PRKCZ: variants seen among roughly 807,000 people sequenced by gnomAD.
PRKCZ encodes the protein protein kinase C zeta type.
Under a neutral mutation model 79.5 loss-of-function variants are expected in PRKCZ, and 33 were observed. The observed-to-expected ratio is 0.41, with a 90% confidence interval of 0.31 to 0.55. The LOEUF is 0.55. PRKCZ is among the 20% of genes least tolerant of loss of function. PRKCZ has a pLI of 0.19. For missense variants in PRKCZ, 578 were observed against 813.5 expected (o/e 0.71, Z 3.52); for synonymous variants, 342 against 320.9 (o/e 1.07, Z -0.70).
rs747555068 is a variant in PRKCZ at position 2,150,987 on chromosome 1, C to T, written c.876+9C>T. On this transcript the variant is annotated intron_variant, in intron 9 of 17. Transcript: ENST00000378567. ...TGGTGCATGATGACGAGGTAGGTGCCGCTTCTCATGGGGCCCGGGGGCCCG... is the reference window on the plus strand; with the variant it reads ...TGGTGCATGATGACGAGGTAGGTGCTGCTTCTCATGGGGCCCGGGGGCCCG... 21 of 1,612,568 alleles carry T rather than the reference C, an allele frequency of 1.3e-5. No homozygotes were observed. The highest frequency in any genetic ancestry group is 6.7e-5 in the East Asian group (3 of 44,878).
At chr1:2,154,087 C>T (rs373090045) in intron 9 of PRKCZ, among the ~76,000 whole-genome samples, 42 of 152,144 alleles carry the variant, frequency 2.8e-4, no homozygotes, top group Non-Finnish European at 3.2e-4. Context: ...GACGTCCCTG[C>T]GGGGCCACAG....
At chr1:2,069,860 G>A (rs948086865) in intron 4 of PRKCZ, among the ~76,000 whole-genome samples, 1 of 152,200 alleles carries the variant, frequency 6.6e-6, no homozygotes, top group South Asian at 2.1e-4. Flanking sequence ...GCTCCTAAGT[G>A]GGTAGCCTCA....
intron 1 of PRKCZ, among the ~76,000 whole-genome samples, chr1:2,052,156 G>T (rs1005980264): frequency 6.6e-6 from 1 of 152,150 alleles, no homozygotes; most frequent in East Asian, 1.9e-4. Context: ...GGAGTCCTGC[G>T]AGAGGGAGGT....
At chr1:2,086,109 T>A (rs1212664853) in intron 4 of PRKCZ, among the ~76,000 whole-genome samples, 1 of 151,032 alleles carries the variant, frequency 6.6e-6, no homozygotes, top group Non-Finnish European at 1.5e-5. Context: ...TCGCCCAGGC[T>A]GGAATGCAGT....
At chr1:2,164,499 G>T (rs1045346163) in intron 10 of PRKCZ, among the ~76,000 whole-genome samples, 1 of 152,190 alleles carries the variant, frequency 6.6e-6, no homozygotes, top group African/African-American at 2.4e-5. Context: ...AGTTGCATAG[G>T]GTGGGTGTCT....
intron 4 of PRKCZ, among the ~76,000 whole-genome samples, chr1:2,064,967 C>T (rs974857355): frequency 1.3e-5 from 2 of 152,224 alleles, no homozygotes; most frequent in African/African-American, 2.4e-5. Context: ...AGTATGAAGA[C>T]TTCCAATCCA....
intron 1 of PRKCZ, among the ~76,000 whole-genome samples, chr1:2,054,660 T>C (rs1350419621): frequency 1.3e-5 from 2 of 151,996 alleles, no homozygotes; most frequent in African/African-American, 2.4e-5. Context: ...CCTTTCATTA[T>C]GGAATTATTT....
Position 2,185,109 on chromosome 1 carries a change from G to GC in PRKCZ, c.*102dup. 3.4e-6 allele frequency: 4 copies of GC among 1,183,100 alleles called. No individual in the cohort carries two copies. Among genetic ancestry groups the GC allele is most frequent in the Non-Finnish European group, 4.8e-6 (4 of 825,034 alleles). 73.3% of individuals were successfully genotyped at this position (1,183,100 alleles called of 1,614,324 possible). A position where few individuals can be genotyped will look rare whatever the true frequency, so the allele number is the denominator to read the frequency against. ...CAGGCTGGGCACGGCTCCGAGGGCG[G>GC]CCAGGGACAGACGCTTGCGCCGAGA... On this transcript the variant is annotated 3_prime_UTR_variant, in exon 18 of 18. Coordinates refer to ENST00000378567, the MANE Select transcript of PRKCZ (RefSeq NM_002744.6).
chr1:2,126,700 G>A, intron 4 of PRKCZ, among the ~76,000 whole-genome samples: 1 of 152,212 alleles, frequency 6.6e-6, no homozygotes, highest in East Asian at 1.9e-4. Flanking sequence ...GCATTGCGCA[G>A]CTCCACCACG....
At chr1:2,060,272 G>A (rs1023630797) in intron 4 of PRKCZ, among the ~76,000 whole-genome samples, 1 of 152,198 alleles carries the variant, frequency 6.6e-6, no homozygotes, top group African/African-American at 2.4e-5. Flanking sequence ...AGGGCACGTG[G>A]CTCAGTGCCC....
intron 4 of PRKCZ, among the ~76,000 whole-genome samples, chr1:2,099,071 T>C (rs529817976): frequency 6.6e-6 from 1 of 151,606 alleles, no homozygotes; most frequent in Non-Finnish European, 1.5e-5. Context: ...TGACTTCCGT[T>C]GTTGTCTGTG....
chr1:2,064,683 A>T (rs1018518500), intron 4 of PRKCZ, among the ~76,000 whole-genome samples: 3 of 152,156 alleles, frequency 2.0e-5, no homozygotes, highest in African/African-American at 7.2e-5. Flanking sequence ...GGGAGGGTTC[A>T]TTTGTGGAGT....
chr1:2,081,010 C>T (rs1179786915), intron 4 of PRKCZ, among the ~76,000 whole-genome samples: 4 of 152,166 alleles, frequency 2.6e-5, no homozygotes, highest in Admixed American at 2.0e-4. Context: ...CCTGTCCGTG[C>T]TGGCCTTGCG....
intron 4 of PRKCZ, among the ~76,000 whole-genome samples, chr1:2,086,084 C>T (rs111936607): frequency 0.031 from 4,451 of 142,478 alleles, 228 homozygotes; most frequent in African/African-American, 0.11. Flanking sequence ...TAAATTGAGA[C>T]GGAGTCTTGC....
At chr1:2,074,348 C>T (rs973058559) in intron 4 of PRKCZ, 233 of 1,537,468 alleles carry the variant, frequency 1.5e-4, no homozygotes, top group Non-Finnish European at 1.9e-4. Flanking sequence ...TTGGGGAAAT[C>T]GTCTTGGGCT....
intron 4 of PRKCZ, among the ~76,000 whole-genome samples, chr1:2,096,148 GACT>G (rs1666472158): frequency 6.6e-6 from 1 of 151,826 alleles, no homozygotes; most frequent in South Asian, 2.1e-4. Flanking sequence ...GCTGCCCCAA[GACT>G]GGCCCGGGGC....
chr1:2,134,870 T>G (rs989255394), intron 4 of PRKCZ: 1 of 161,708 alleles, frequency 6.2e-6, no homozygotes, highest in African/African-American at 2.4e-5. Context: ...AAAAGGCCTG[T>G]TTTTCACAGG....
Position 2,174,879 on chromosome 1 carries a change from G to A in PRKCZ, c.1485+46G>A, listed in dbSNP as rs761192628. 5.0e-6 allele frequency: 8 copies of A among 1,586,488 alleles called. No homozygotes were observed. The highest frequency in any genetic ancestry group is 1.7e-4 in the Middle Eastern group (1 of 6,032). On this transcript the variant is annotated intron_variant, in intron 15 of 17. Transcript: ENST00000378567. This position sits in a 1 kb window ranked among gnomAD's most constrained non-coding sequence, Gnocchi z 6.2. The stretch of plus-strand genomic sequence containing the variant: ...ACAAAATCTCGTTTGTGGCCTCGGT[G>A]TTGGTGGGCAGAGGGCCAGGCACGG...
chr1:2,082,426 G>T lies in PRKCZ; in HGVS notation c.334+22835G>T, dbSNP rs1191785058. ...ATTTATTTATCTTGGCCAGCAGAGA[G>T]AATTGAGTTTGCATGGAGACTGTAA... On this transcript the variant is annotated intron_variant, in intron 4 of 17. Coordinates refer to ENST00000378567, the MANE Select transcript of PRKCZ (RefSeq NM_002744.6). This position sits in a 1 kb window ranked among gnomAD's most constrained non-coding sequence, Gnocchi z 4.4. The T allele has an allele frequency of 4.4e-6, 2 of 456,328 alleles. No individual in the cohort carries two copies. Among genetic ancestry groups the T allele is most frequent in the Admixed American group, 2.3e-5 (1 of 42,586 alleles). 28.3% of individuals were successfully genotyped at this position (456,328 alleles called of 1,614,324 possible). A position where few individuals can be genotyped will look rare whatever the true frequency, so the allele number is the denominator to read the frequency against.
Sources: allele counts gnomAD v4.1 joint callset (sites outside exome capture counted in the v4.1 genomes callset), GRCh38; gene constraint gnomAD v4.1.1; non-coding constraint Gnocchi (gnomAD v3.1); transcripts MANE v1.5; gene names NCBI Gene and HGNC (gene_info 2026-07-23, HGNC 2026-07-21).